Variants in MTA3 observed in about 807,000 individuals in gnomAD.
MTA3 encodes the protein metastasis associated 1 family member 3.
In MTA3, 34 loss-of-function variants were observed where a neutral mutation model predicts 83.5. The ratio of observed to expected loss-of-function variants is 0.41; its 90% confidence interval spans 0.31 to 0.54. The LOEUF (loss-of-function observed/expected upper bound fraction) is 0.54, where lower values mean the gene tolerates loss of function less well. Ranked by LOEUF, MTA3 falls within the 20% of genes least tolerant of loss-of-function variation. The probability of loss-of-function intolerance (pLI) is 0.33; values close to 1 mark genes in which losing one functional copy is unlikely to be tolerated. For synonymous variants in MTA3, 303 were observed against 252.7 expected (o/e 1.20, Z -1.89); for missense variants, 761 against 726.4 (o/e 1.05, Z -0.55).
intron 6 of MTA3, among the ~76,000 whole-genome samples, chr2:42,649,302 C>G (rs995303087): frequency 6.6e-6 from 1 of 151,790 alleles, no homozygotes; most frequent in Non-Finnish European, 1.5e-5. Flanking sequence ...GAGGCTGAGG[C>G]AGGAGAATTG....
At chr2:42,664,134 A>T (rs1689999949) in intron 8 of MTA3, among the ~76,000 whole-genome samples, 1 of 151,972 alleles carries the variant, frequency 6.6e-6, no homozygotes. Context: ...AAGCGTCATT[A>T]TTGTCTTTCT....
intron 14 of MTA3, among the ~76,000 whole-genome samples, chr2:42,712,057 C>T (rs986357758): frequency 6.6e-6 from 1 of 152,130 alleles, no homozygotes; most frequent in Admixed American, 6.6e-5. Context: ...TCAATTGCCT[C>T]TGGCCACGGC....
rs894522728 is a variant in MTA3, at chr2:42,718,867, T to C, written c.1526-121T>C. ...TTTTCTCAAACCCAAAAGGAAATTATGCGGGAATCTGGTGGCTATTTTGTA... is the reference window on the plus strand; with the variant it reads ...TTTTCTCAAACCCAAAAGGAAATTACGCGGGAATCTGGTGGCTATTTTGTA... On this transcript the variant is annotated intron_variant, in intron 14 of 16. Transcript: ENST00000405094. 5.9e-6 allele frequency: 4 copies of C among 672,286 alleles called. No individual in the cohort carries two copies. In the African/African-American group the frequency reaches 7.2e-5, roughly 12 times the overall value. 41.6% of individuals were successfully genotyped at this position (672,286 alleles called of 1,614,324 possible).
intron 8 of MTA3, among the ~76,000 whole-genome samples, chr2:42,666,447 C>G (rs1049567773): frequency 6.6e-6 from 1 of 152,106 alleles, no homozygotes; most frequent in South Asian, 2.1e-4. Context: ...GCCCCTTTGC[C>G]CAAACAGTCC....
At position 42,727,036 on chromosome 2, in the gene MTA3, T is replaced by G. The variant is rs80014489; in HGVS notation, c.1759+4001T>G. Among the ~76,000 whole-genome samples the G allele has an allele frequency of 3.1e-3, 479 of 152,224 alleles. 2 individuals are homozygous for G. The highest frequency in any genetic ancestry group is 0.011 in the African/African-American group (450 of 41,540). The stretch of plus-strand genomic sequence containing the variant: ...GTGAGACCCCAACTCTAAAAAAGTT[T>G]TTGTTTTAAATTAGCTGGATGTAGT... On this transcript the variant is annotated intron_variant, in intron 16 of 16. Transcript: ENST00000405094.
intron 2 of MTA3, among the ~76,000 whole-genome samples, chr2:42,537,431 G>T (rs1676295181): frequency 6.6e-6 from 1 of 152,034 alleles, no homozygotes; most frequent in African/African-American, 2.4e-5. Context: ...TGGGCATAGT[G>T]GTGGGTGCCT....
At chr2:42,642,022 T>C (rs1038121194) in intron 5 of MTA3, among the ~76,000 whole-genome samples, 1 of 152,106 alleles carries the variant, frequency 6.6e-6, no homozygotes, top group African/African-American at 2.4e-5. Flanking sequence ...CCCCTAAATA[T>C]ATAAAAAATT....
At chr2:42,523,858 A>G (rs1486643071) in intron 2 of MTA3, among the ~76,000 whole-genome samples, 1 of 152,162 alleles carries the variant, frequency 6.6e-6, no homozygotes, top group Non-Finnish European at 1.5e-5. Flanking sequence ...TCAAGGCTGC[A>G]GTGAGCCATG....
chr2:42,723,613 G>A (rs2119014), intron 16 of MTA3, among the ~76,000 whole-genome samples: 82,906 of 152,014 alleles, frequency 0.55, 23,164 homozygotes, highest in Middle Eastern at 0.66. Context: ...GCTTGGCCAT[G>A]TAATGACTCT....
At chr2:42,650,374 A>G (rs1220771679) in intron 6 of MTA3, among the ~76,000 whole-genome samples, 1 of 152,214 alleles carries the variant, frequency 6.6e-6, no homozygotes, top group Non-Finnish European at 1.5e-5. Context: ...TACATTTTCA[A>G]ATATAAATGA....
intron 3 of MTA3, among the ~76,000 whole-genome samples, chr2:42,607,228 A>C (rs1226078435): frequency 2.0e-5 from 3 of 152,184 alleles, no homozygotes. Flanking sequence ...CAAGGGATGC[A>C]GTGAAATCAG....
intron 16 of MTA3, among the ~76,000 whole-genome samples, chr2:42,744,796 C>T (rs753939911): frequency 3.9e-5 from 6 of 152,186 alleles, no homozygotes; most frequent in Non-Finnish European, 5.9e-5. Flanking sequence ...GATATCAGTA[C>T]GGTAATATAT....
At chr2:42,737,518 C>T (rs1272089451) in intron 16 of MTA3, among the ~76,000 whole-genome samples, 4 of 152,208 alleles carry the variant, frequency 2.6e-5, no homozygotes, top group East Asian at 1.9e-4. Flanking sequence ...GTACTGTGAT[C>T]GCTTACCTGA....
intron 16 of MTA3, among the ~76,000 whole-genome samples, chr2:42,743,237 T>C (rs1279864622): frequency 6.6e-6 from 1 of 152,218 alleles, no homozygotes; most frequent in East Asian, 1.9e-4. Context: ...TTGAGCTTTG[T>C]TCAGTCTGCA....
At chr2:42,664,072 T>C (rs985182786) in intron 8 of MTA3, among the ~76,000 whole-genome samples, 1 of 152,210 alleles carries the variant, frequency 6.6e-6, no homozygotes, top group Non-Finnish European at 1.5e-5. Flanking sequence ...TCTGTCAGAT[T>C]ACCTCTTCTA....
intron 2 of MTA3, among the ~76,000 whole-genome samples, chr2:42,577,145 C>G (rs142223257): frequency 7.7e-6 from 1 of 130,700 alleles, no homozygotes; most frequent in Non-Finnish European, 1.6e-5. Context: ...AAAATGAACT[C>G]TTAATTGCTG....
chr2:42,630,879 A>C (rs571566752), intron 4 of MTA3, among the ~76,000 whole-genome samples: 1 of 152,182 alleles, frequency 6.6e-6, no homozygotes, highest in Admixed American at 6.6e-5. Flanking sequence ...ATTTATGTCT[A>C]TTGAGACCTT....
intron 5 of MTA3, among the ~76,000 whole-genome samples, chr2:42,642,416 G>C (rs1000884181): frequency 1.3e-5 from 2 of 152,046 alleles, no homozygotes; most frequent in Admixed American, 1.3e-4. Context: ...AGCACTTTGG[G>C]AGGTTGAGGC....
At chr2:42,587,467 C>A (rs1257726298) in intron 3 of MTA3, among the ~76,000 whole-genome samples, 1 of 152,078 alleles carries the variant, frequency 6.6e-6, no homozygotes, top group Non-Finnish European at 1.5e-5. Flanking sequence ...AGTGAGAATT[C>A]TTGTGTATGA....
Sources: allele counts gnomAD v4.1 joint callset (sites outside exome capture counted in the v4.1 genomes callset), GRCh38; gene constraint gnomAD v4.1.1; transcripts MANE v1.5; gene names NCBI Gene and HGNC (gene_info 2026-07-23, HGNC 2026-07-21).